Variants in CPE observed in about 807,000 individuals in gnomAD.
CPE encodes carbocypeptidase E.
Under a neutral mutation model 53.5 loss-of-function variants are expected in CPE, and 17 were observed. That is an observed-to-expected ratio of 0.32 (90% CI 0.22 to 0.48). CPE has a LOEUF of 0.48. CPE is among the 20% of genes least tolerant of loss of function. CPE has a pLI of 0.99. For missense variants in CPE, 524 were observed against 614.7 expected, an observed-to-expected ratio of 0.85 and a Z score of 1.56; for synonymous variants, 226 against 228.8, an observed-to-expected ratio of 0.99 and a Z score of 0.11.
intron 1 of CPE, among the ~76,000 whole-genome samples, chr4:165,462,945 T>C (rs1732035012): frequency 6.6e-6 from 1 of 152,206 alleles, no homozygotes; most frequent in African/African-American, 2.4e-5. Flanking sequence ...GAAAAATAAT[T>C]CTAATTTGCT....
chr4:165,448,241 T>C (rs1731749296), intron 1 of CPE, among the ~76,000 whole-genome samples: 1 of 152,218 alleles, frequency 6.6e-6, no homozygotes, highest in Middle Eastern at 3.2e-3. Context: ...ATTTTGTTTG[T>C]CACAGGAGAA....
At chr4:165,436,175 C>G (rs1261745688) in intron 1 of CPE, among the ~76,000 whole-genome samples, 1 of 144,460 alleles carries the variant, frequency 6.9e-6, no homozygotes, top group African/African-American at 2.6e-5. Flanking sequence ...TATTTTGCAG[C>G]ATTTCCCAGC....
chr4:165,424,968 T>G (rs80236220), intron 1 of CPE, among the ~76,000 whole-genome samples: 43,462 of 149,966 alleles, frequency 0.29, 6,382 homozygotes, highest in Middle Eastern at 0.39. Context: ...TACACCTCCC[T>G]GGTTCAAATG....
intron 1 of CPE, among the ~76,000 whole-genome samples, chr4:165,435,294 T>A (rs1443280217): frequency 1.3e-5 from 2 of 152,238 alleles, no homozygotes; most frequent in Non-Finnish European, 1.5e-5. Context: ...ACCATGACTT[T>A]GCATATAATG....
chr4:165,497,689 GC>G lies in CPE; in HGVS notation c.*80del, dbSNP rs1334022826. 1 of 653,406 alleles carries G rather than the reference GC, an allele frequency of 1.5e-6. No individual in the cohort carries two copies. Among genetic ancestry groups the G allele is most frequent in the Non-Finnish European group, 2.3e-6 (1 of 432,090 alleles). The allele number at this position is 653,406 out of a possible 1,614,324, so 40.5% of individuals were successfully genotyped here. A position where few individuals can be genotyped will look rare whatever the true frequency, so the allele number is the denominator to read the frequency against. ...ATGTGGTCTTTTTTTTAGATTTTGT[GC>G]AGTTAATACTTAACATTGATTTATT... On this transcript the variant is annotated 3_prime_UTR_variant, in exon 9 of 9. Transcript: ENST00000402744.
intron 1 of CPE, among the ~76,000 whole-genome samples, chr4:165,382,724 G>T (rs935841608): frequency 3.9e-5 from 6 of 152,194 alleles, no homozygotes; most frequent in African/African-American, 1.4e-4. Flanking sequence ...AGAGATGTTT[G>T]TTGATACAAT....
intron 1 of CPE, among the ~76,000 whole-genome samples, chr4:165,422,969 T>A: frequency 1.0e-5 from 1 of 97,460 alleles, no homozygotes. Context: ...AGAACGAAAC[T>A]CTGTCTCAAA....
chr4:165,481,533 C>T (rs2126710965), intron 3 of CPE, among the ~76,000 whole-genome samples: 1 of 152,262 alleles, frequency 6.6e-6, no homozygotes, highest in East Asian at 1.9e-4. Context: ...ATAAAAGTAT[C>T]AAGCTTTTGG....
chr4:165,403,124 G>A (rs77094724), intron 1 of CPE, among the ~76,000 whole-genome samples: 2,972 of 152,220 alleles, frequency 0.02, 101 homozygotes, highest in African/African-American at 0.067. Context: ...GAAATTAACG[G>A]TGATTATGAA....
intron 1 of CPE, among the ~76,000 whole-genome samples, chr4:165,393,894 C>A (rs1730723256): frequency 6.6e-6 from 1 of 152,118 alleles, no homozygotes; most frequent in South Asian, 2.1e-4. Context: ...CTGTAAGTAC[C>A]TACAGAAAAT....
intron 1 of CPE, among the ~76,000 whole-genome samples, chr4:165,432,191 T>C (rs562137159): frequency 6.6e-6 from 1 of 152,352 alleles, no homozygotes; most frequent in African/African-American, 2.4e-5. Context: ...CCATGTTTTG[T>C]GAGCATAGCT....
At chr4:165,407,326 T>C (rs1730968678) in intron 1 of CPE, among the ~76,000 whole-genome samples, 1 of 152,186 alleles carries the variant, frequency 6.6e-6, no homozygotes, top group Admixed American at 6.5e-5. Context: ...GATTTGCATT[T>C]CCTTGATGGC....
chr4:165,387,787 G>A lies in CPE; in HGVS notation c.307+8259G>A, dbSNP rs929553880. ...CGCACCACTGCACTCCAGCCTGGGC[G>A]CAGAGTGAGACTCTGTTAAAACAAA... is the stretch of plus-strand genomic sequence containing the variant. On this transcript the variant is annotated intron_variant, in intron 1 of 8. Transcript: ENST00000402744. 5.3e-5 allele frequency among the ~76,000 whole-genome samples: 8 copies of A among 152,096 alleles called. No individual in the cohort carries two copies. In the South Asian group the frequency reaches 8.3e-4, roughly 16 times the overall value.
chr4:165,408,484 C>T (rs1730987651), intron 1 of CPE, among the ~76,000 whole-genome samples: 1 of 152,186 alleles, frequency 6.6e-6, no homozygotes, highest in Non-Finnish European at 1.5e-5. Context: ...GTAGAGGCAA[C>T]TCAAAGATAG....
intron 1 of CPE, among the ~76,000 whole-genome samples, chr4:165,424,879 C>CTTTTT (rs777344411): frequency 1.2e-4 from 16 of 137,768 alleles, no homozygotes; most frequent in African/African-American, 2.4e-4. Context: ...AAAGTAGAAA[C>CTTTTT]TTTTTTTTTT....
rs139643127 is a variant in CPE at position 165,386,970 on chromosome 4, A to G, written c.307+7442A>G. Among the ~76,000 whole-genome samples the G allele has an allele frequency of 1.7e-4, 26 of 152,310 alleles. No homozygotes were observed. The East Asian group carries it at 5.0e-3, about 29-fold the overall frequency. On this transcript the variant is annotated intron_variant, in intron 1 of 8. Transcript: ENST00000402744. ...TTTATCCGAGCTACGTGATGGGTCA[A>G]ATGAACTTAAATTTGAAACATGTTT... is the stretch of plus-strand genomic sequence containing the variant.
intron 1 of CPE, among the ~76,000 whole-genome samples, chr4:165,414,708 C>T (rs971853999): frequency 2.1e-5 from 3 of 145,632 alleles, no homozygotes; most frequent in African/African-American, 5.0e-5. Context: ...CACACACACA[C>T]ACATACACAC....
chr4:165,441,137 A>C (rs1731602879), intron 1 of CPE, among the ~76,000 whole-genome samples: 1 of 152,094 alleles, frequency 6.6e-6, no homozygotes, highest in Admixed American at 6.6e-5. Flanking sequence ...TTTGCTCAGG[A>C]TGGCCCCATT....
rs80117208 is a variant in CPE, at chr4:165,482,352, G to A, written c.783G>A (p.Thr261=). 2,034 of 1,605,834 alleles carry A rather than the reference G, an allele frequency of 1.3e-3. 31 individuals are homozygous for A. In the East Asian group the frequency reaches 0.036, roughly 28 times the overall value. ...TGGCCAATTATCCATATGATGAGAC[G>A]CGGAGTGGTAGGTATTCTTTCTGCT... ...DLVANYPYDE[T]RSGSAHEYSS... The change falls in exon 4 of 9, where the codon ACG becomes ACA. Residue 261 remains threonine (T), a synonymous_variant. Transcript: ENST00000402744.
Sources: allele counts gnomAD v4.1 joint callset (sites outside exome capture counted in the v4.1 genomes callset), GRCh38; gene constraint gnomAD v4.1.1; transcripts MANE v1.5; gene names NCBI Gene and HGNC (gene_info 2026-07-23, HGNC 2026-07-21).